The following PAIP2B variants were observed in gnomAD, a reference collection of about 807,000 sequenced individuals.
The protein encoded by PAIP2B is poly(A) binding protein interacting protein 2B, also known as polyadenylate-binding protein-interacting protein 2B.
Under a neutral mutation model 17.0 loss-of-function variants are expected in PAIP2B, and 13 were observed. That is an observed-to-expected ratio of 0.76 (90% confidence interval 0.50 to 1.22). PAIP2B has a LOEUF of 1.22. Ranked by LOEUF, PAIP2B falls within the 50% of genes most tolerant of loss-of-function variation. The pLI is 0.00. For synonymous variants in PAIP2B, 43 were observed against 48.7 expected, an observed-to-expected ratio of 0.88 and a Z score of 0.48; for missense variants, 117 against 144.5, an observed-to-expected ratio of 0.81 and a Z score of 0.98.
chr2:71,204,436 C>A (rs1675070615), intron 1 of PAIP2B, among the ~76,000 whole-genome samples: 1 of 151,774 alleles, frequency 6.6e-6, no homozygotes, highest in Non-Finnish European at 1.5e-5. Context: ...TTTTGTTTTG[C>A]AATTTCCTAA....
chr2:71,219,003 C>T (rs1375089571), intron 1 of PAIP2B, among the ~76,000 whole-genome samples: 1 of 150,580 alleles, frequency 6.6e-6, no homozygotes, highest in Non-Finnish European at 1.5e-5. Flanking sequence ...GCAAGCTCCG[C>T]CTCCTGGGTT....
chr2:71,205,760 GAA>G (rs1675109493), intron 1 of PAIP2B, among the ~76,000 whole-genome samples: 1 of 152,184 alleles, frequency 6.6e-6, no homozygotes, highest in Admixed American at 6.5e-5. Flanking sequence ...CACCAAGGAT[GAA>G]AGTCTAGTGT....
intron 3 of PAIP2B, among the ~76,000 whole-genome samples, chr2:71,189,125 C>T (rs189682480): frequency 1.0e-3 from 156 of 151,548 alleles, no homozygotes; most frequent in African/African-American, 3.6e-3. Context: ...AAGCAATTCT[C>T]CTGCTTTAGC....
chr2:71,189,584 A>G (rs1674630239), intron 3 of PAIP2B, among the ~76,000 whole-genome samples: 1 of 152,230 alleles, frequency 6.6e-6, no homozygotes, highest in East Asian at 1.9e-4. Flanking sequence ...AGAGCCCATT[A>G]GAAAGTAAAG....
chr2:71,185,676 C>T lies in PAIP2B; in HGVS notation c.*2803G>A, dbSNP rs191911474. ...TTCCTTAGGATCGTTTCTGGTTTCA[C>T]CCTTATGTGATTCCCAAAACTCAAC... On this transcript the variant is annotated 3_prime_UTR_variant, in exon 4 of 4. Coordinates refer to ENST00000244221, the MANE Select transcript of PAIP2B (RefSeq NM_020459.1). 1.7e-4 allele frequency: 26 copies of T among 152,136 alleles called. No homozygotes were observed. In the Middle Eastern group the frequency reaches 0.014, roughly 80 times the overall value. 9.4% of individuals were successfully genotyped at this position (152,136 alleles called of 1,614,324 possible).
chr2:71,202,700 G>T, intron 1 of PAIP2B, 100 bp from the exon 2 acceptor site: 1 of 1,074,112 alleles, frequency 9.3e-7, no homozygotes, highest in Non-Finnish European at 1.3e-6. Context: ...GAAATTCTAA[G>T]TCAAAGATTT....
chr2:71,216,465 C>A (rs1675432552), intron 1 of PAIP2B, among the ~76,000 whole-genome samples: 1 of 152,216 alleles, frequency 6.6e-6, no homozygotes, highest in Non-Finnish European at 1.5e-5. Context: ...GAACTCCACA[C>A]TAGGCTGGGA....
Position 71,188,514 on chromosome 2 carries a change from C to G in PAIP2B, c.337G>C (p.Asp113His), listed in dbSNP as rs771020810. 2 of 1,610,136 alleles carry G rather than the reference C, an allele frequency of 1.2e-6. No homozygotes were observed. The highest frequency in any genetic ancestry group is 1.7e-5 in the Admixed American group (1 of 59,556). ...DILSKSNLNP[D>H]AKEFIPGEKY The stretch of plus-strand genomic sequence containing the variant: ...TCTCCTGGAATAAACTCCTTGGCAT[C>G]TGGGTTCAGGTTACTTTTGCTCTGA... Residue 113 changes from aspartate (D) to histidine (H), a missense_variant, in exon 4 of 4, where the codon GAT (aspartate) becomes CAT (histidine). Coordinates refer to ENST00000244221, the MANE Select transcript of PAIP2B (RefSeq NM_020459.1).
chr2:71,218,692 G>A (rs1675495153), intron 1 of PAIP2B, among the ~76,000 whole-genome samples: 1 of 151,890 alleles, frequency 6.6e-6, no homozygotes, highest in Non-Finnish European at 1.5e-5. Context: ...TATATATAAG[G>A]AAATTCACCT....
At chr2:71,225,601 C>T (rs1675700363) in intron 1 of PAIP2B, among the ~76,000 whole-genome samples, 3 of 152,228 alleles carry the variant, frequency 2.0e-5, no homozygotes, top group Admixed American at 1.3e-4. Flanking sequence ...TACCCCAACA[C>T]TTCAATCTCC....
rs7581429 is a variant in PAIP2B at position 71,190,380 on chromosome 2, C to T, written c.139-359G>A. 2.6e-5 allele frequency among the ~76,000 whole-genome samples: 4 copies of T among 152,024 alleles called. No homozygotes were observed. The South Asian group carries it at 6.2e-4, about 24-fold the overall frequency. Reference sequence around the variant, plus strand: ...TCAAGGCTTCATTGAGCCAAGACTGCGCCACTGCACTTCAGTCTGGGCGAC... The same window carrying T: ...TCAAGGCTTCATTGAGCCAAGACTGTGCCACTGCACTTCAGTCTGGGCGAC... On this transcript the variant is annotated intron_variant, in intron 2 of 3. Transcript: ENST00000244221.
chr2:71,213,916 T>A (rs1675364127), intron 1 of PAIP2B, among the ~76,000 whole-genome samples: 2 of 152,070 alleles, frequency 1.3e-5, no homozygotes, highest in South Asian at 2.1e-4. Context: ...TCGGTAACAG[T>A]CTCTCTTTTA....
chr2:71,187,727 T>C lies in PAIP2B; in HGVS notation c.*752A>G, dbSNP rs1444167868. 6.6e-6 allele frequency: 1 copy of C among 152,212 alleles called. No homozygotes were observed. Among genetic ancestry groups the C allele is most frequent in the Non-Finnish European group, 1.5e-5 (1 of 68,058 alleles). The allele number at this position is 152,212 out of a possible 1,614,324, so 9.4% of individuals were successfully genotyped here. On this transcript the variant is annotated 3_prime_UTR_variant, in exon 4 of 4. Transcript: ENST00000244221. ...GAAAGATGAGGTGGCAGATCAACCC[T>C]AGTGCTCTTCTACTTATAAATGGTG...
At chr2:71,198,858 A>G (rs1023252421) in intron 2 of PAIP2B, among the ~76,000 whole-genome samples, 3 of 152,060 alleles carry the variant, frequency 2.0e-5, no homozygotes, top group African/African-American at 7.2e-5. Flanking sequence ...TTCTTTTTTT[A>G]TACTGCCTAT....
intron 2 of PAIP2B, among the ~76,000 whole-genome samples, chr2:71,195,077 C>A (rs563769812): frequency 3.8e-4 from 58 of 152,266 alleles, no homozygotes; most frequent in African/African-American, 1.4e-3. Flanking sequence ...GGGGATGAAG[C>A]CTACTTAATC....
intron 1 of PAIP2B, among the ~76,000 whole-genome samples, chr2:71,216,287 A>G (rs1437468498): frequency 1.3e-5 from 2 of 152,200 alleles, no homozygotes; most frequent in African/African-American, 2.4e-5. Flanking sequence ...AAGGACATAA[A>G]TAACTCTTAC....
intron 3 of PAIP2B, among the ~76,000 whole-genome samples, chr2:71,189,223 G>T (rs1293120049): frequency 6.6e-6 from 1 of 152,068 alleles, no homozygotes; most frequent in African/African-American, 2.4e-5. Context: ...ATGTTGGCCA[G>T]GCTGGTCTTG....
At chr2:71,190,772 C>T (rs1674669387) in intron 2 of PAIP2B, among the ~76,000 whole-genome samples, 1 of 152,188 alleles carries the variant, frequency 6.6e-6, no homozygotes, top group Non-Finnish European at 1.5e-5. Context: ...TAGTTCATGA[C>T]CTGGCTAGTG....
At chr2:71,199,884 G>T (rs980220683) in intron 2 of PAIP2B, among the ~76,000 whole-genome samples, 2 of 152,140 alleles carry the variant, frequency 1.3e-5, no homozygotes, top group South Asian at 4.1e-4. Flanking sequence ...ATGTGTGTGG[G>T]TGTTGGAGGA....
Sources: allele counts gnomAD v4.1 joint callset (sites outside exome capture counted in the v4.1 genomes callset), GRCh38; gene constraint gnomAD v4.1.1; transcripts MANE v1.5; gene names NCBI Gene and HGNC (gene_info 2026-07-23, HGNC 2026-07-21).